KAZN: variants seen among roughly 807,000 people sequenced by gnomAD.
KAZN encodes the protein kazrin.
A neutral mutation model predicts 87.4 loss-of-function variants in KAZN; 40 were observed. The ratio of observed to expected loss-of-function variants is 0.46; its 90% CI spans 0.36 to 0.60. KAZN has a LOEUF of 0.60. Among genes scored for constraint, KAZN ranks in the 20% least tolerant of loss-of-function variants. KAZN has a pLI of 0.00. For missense variants in KAZN, 898 were observed against 1,073.9 expected (o/e 0.84, Z 2.29); for synonymous variants, 466 against 458.3 (o/e 1.02, Z -0.22).
At chr1:14,311,718 G>GTGGATGGATGGA (rs535549756) in intron 2 of KAZN, among the ~76,000 whole-genome samples, 1 of 152,032 alleles carries the variant, frequency 6.6e-6, no homozygotes, top group African/African-American at 2.4e-5. Flanking sequence ...ATGGATGGGG[G>GTGGATGGATGGA]TGGATGGATG....
chr1:15,090,335 G>A (rs941900662), intron 8 of KAZN, among the ~76,000 whole-genome samples: 1 of 152,268 alleles, frequency 6.6e-6, no homozygotes, highest in Non-Finnish European at 1.5e-5. Context: ...AGTGAAGCCA[G>A]CCAGGCTGGA....
intron 1 of KAZN, among the ~76,000 whole-genome samples, chr1:13,933,382 C>T (rs917646636): frequency 6.6e-6 from 1 of 152,092 alleles, no homozygotes; most frequent in South Asian, 2.1e-4. Flanking sequence ...ATCCCAGCTA[C>T]TCGGGAGGCT....
At chr1:14,863,245 A>G (rs931036101) in intron 1 of KAZN, among the ~76,000 whole-genome samples, 1 of 152,080 alleles carries the variant, frequency 6.6e-6, no homozygotes, top group Non-Finnish European at 1.5e-5. Context: ...ATCCCCCGGG[A>G]ATGTACAGAG....
At chr1:14,520,890 TG>T (rs1671550230) in intron 2 of KAZN, among the ~76,000 whole-genome samples, 1 of 152,208 alleles carries the variant, frequency 6.6e-6, no homozygotes, top group African/African-American at 2.4e-5. Context: ...TGCAGCAAAC[TG>T]TTCATCCATC....
chr1:14,771,392 A>C (rs1213712270), intron 1 of KAZN, among the ~76,000 whole-genome samples: 3 of 152,148 alleles, frequency 2.0e-5, no homozygotes. Context: ...AAAAATATTT[A>C]ATGTGGTGGA....
intron 1 of KAZN, among the ~76,000 whole-genome samples, chr1:14,636,491 A>T (rs146294830): frequency 2.6e-3 from 399 of 152,224 alleles, no homozygotes; most frequent in African/African-American, 8.5e-3. Flanking sequence ...GTCGCTTAAA[A>T]CTGTGTTAAT....
chr1:14,182,898 A>G (rs1007466435), intron 2 of KAZN, among the ~76,000 whole-genome samples: 11 of 152,174 alleles, frequency 7.2e-5, no homozygotes, highest in Non-Finnish European at 1.6e-4. Flanking sequence ...TTGTGATATT[A>G]ATAGGCATCT....
At chr1:15,008,652 C>T (rs1006056197) in intron 2 of KAZN, among the ~76,000 whole-genome samples, 1 of 152,240 alleles carries the variant, frequency 6.6e-6, no homozygotes, top group Non-Finnish European at 1.5e-5. Flanking sequence ...GCTTCTAGCC[C>T]TGGTATCTGG....
Position 14,184,936 on chromosome 1 carries a change from C to T in KAZN, c.249+4344C>T, listed in dbSNP as rs570811593. On this transcript the variant is annotated intron_variant, in intron 2 of 16. Transcript: ENST00000636203. The surrounding 1 kb of genome is among the most constrained non-coding windows in gnomAD (Gnocchi z 4.2). ...ACTTTCCATCCCTCCAGATTCTTTCCGAAGTTGATACTGTGGTCAAGGTAG... is the reference window on the plus strand; with the variant it reads ...ACTTTCCATCCCTCCAGATTCTTTCTGAAGTTGATACTGTGGTCAAGGTAG... Among the ~76,000 whole-genome samples, 5 of 152,132 alleles carry T rather than the reference C, an allele frequency of 3.3e-5. No individual in the cohort carries two copies. Among genetic ancestry groups the T allele is most frequent in the Non-Finnish European group, 5.9e-5 (4 of 68,032 alleles).
chr1:14,328,651 C>T (rs1248561492), intron 2 of KAZN, among the ~76,000 whole-genome samples: 1 of 149,730 alleles, frequency 6.7e-6, no homozygotes, highest in Non-Finnish European at 1.5e-5. Flanking sequence ...TGTAGTGAGC[C>T]GAGATTGCAC....
chr1:14,918,748 A>ATATATC (rs1169217550), intron 1 of KAZN, among the ~76,000 whole-genome samples: 1 of 133,756 alleles, frequency 7.5e-6, no homozygotes, highest in Non-Finnish European at 1.6e-5. Flanking sequence ...ATATATATAT[A>ATATATC]TCCTGGGAGG....
intron 2 of KAZN, among the ~76,000 whole-genome samples, chr1:14,419,166 TAATA>T (rs1406826255): frequency 1.3e-5 from 2 of 152,218 alleles, no homozygotes; most frequent in Non-Finnish European, 2.9e-5. Context: ...CCAGGCACTG[TAATA>T]AATATACCTT....
intron 1 of KAZN, among the ~76,000 whole-genome samples, chr1:14,080,749 C>T (rs1431059319): frequency 2.0e-5 from 3 of 152,268 alleles, no homozygotes; most frequent in Non-Finnish European, 2.9e-5. Context: ...TGTATCTGCT[C>T]GGAATATAGG....
At chr1:14,319,779 T>C (rs531930284) in intron 2 of KAZN, among the ~76,000 whole-genome samples, 1 of 152,188 alleles carries the variant, frequency 6.6e-6, no homozygotes, top group African/African-American at 2.4e-5. Flanking sequence ...TTGTTTTATA[T>C]ATTTCATCCA....
At chr1:14,103,149 G>C (rs2101650055) in intron 1 of KAZN, among the ~76,000 whole-genome samples, 1 of 152,138 alleles carries the variant, frequency 6.6e-6, no homozygotes, top group Non-Finnish European at 1.5e-5. Flanking sequence ...TCGAACTCCT[G>C]GCCTCAAGTG....
intron 1 of KAZN, among the ~76,000 whole-genome samples, chr1:14,700,153 C>T (rs898192608): frequency 1.2e-4 from 18 of 152,082 alleles, no homozygotes; most frequent in Admixed American, 9.2e-4. Context: ...TTTGAAAACC[C>T]GAAATGGCAA....
chr1:14,953,715 T>C (rs1299074282), intron 1 of KAZN, among the ~76,000 whole-genome samples: 3 of 152,314 alleles, frequency 2.0e-5, no homozygotes, highest in South Asian at 2.1e-4. Context: ...TTTACAAACC[T>C]ACGATTCACC....
At chr1:14,035,726 C>T (rs996532088) in intron 1 of KAZN, among the ~76,000 whole-genome samples, 6 of 151,644 alleles carry the variant, frequency 4.0e-5, no homozygotes, top group South Asian at 2.1e-4. Flanking sequence ...CTGCCCGCCT[C>T]GGCCTCCCAA....
At chr1:14,596,579 C>G (rs983677474), upstream of KAZN, among the ~76,000 whole-genome samples, 1 of 152,198 alleles carries the variant, frequency 6.6e-6, no homozygotes. Flanking sequence ...AAGTAACACC[C>G]GGCACCTATT....
Sources: allele counts gnomAD v4.1 joint callset (sites outside exome capture counted in the v4.1 genomes callset), GRCh38; gene constraint gnomAD v4.1.1; non-coding constraint Gnocchi (gnomAD v3.1); transcripts MANE v1.5; gene names NCBI Gene and HGNC (gene_info 2026-07-23, HGNC 2026-07-21).